TCF25: variants seen among roughly 807,000 people sequenced by gnomAD.
TCF25 encodes the protein ribosome quality control complex subunit TCF25.
In TCF25, 41 loss-of-function variants were observed where a neutral mutation model predicts 83.1. That is an observed-to-expected ratio of 0.49 (90% confidence interval 0.38 to 0.64). The LOEUF (loss-of-function observed/expected upper bound fraction) is 0.64. TCF25 is among the 30% of genes least tolerant of loss of function. TCF25 has a pLI of 0.00. For missense variants in TCF25, 979 were observed against 914.5 expected (o/e 1.07, Z -0.91); for synonymous variants, 458 against 365.0 (o/e 1.25, Z -2.90).
chr16:89,895,998 C>T lies in TCF25; in HGVS notation c.937C>T (p.Leu313=). 6.2e-7 allele frequency: 1 copy of T among 1,613,924 alleles called. No individual in the cohort carries two copies. The highest frequency in any genetic ancestry group is 8.5e-7 in the Non-Finnish European group (1 of 1,179,984). Residue 313 remains leucine, a synonymous_variant, in exon 9 of 18, where the codon CTG becomes TTG. Transcript: ENST00000263346. The part of the protein sequence containing the change: ...EMARDLVERA[L]YSMECAFHPL... ...CGTCCCTGTGCCCACAGAGAGAGCG[C>T]TGTACAGCATGGAATGTGCGTTCCA... is the stretch of plus-strand genomic sequence containing the variant.
chr16:89,899,962 T>G (rs1250822581), intron 11 of TCF25, among the ~76,000 whole-genome samples: 1 of 152,188 alleles, frequency 6.6e-6, no homozygotes, highest in African/African-American at 2.4e-5. Flanking sequence ...GCATTTGGCA[T>G]AGTTGGCCAG....
At chr16:89,886,760 C>CA (rs1452025428) in intron 4 of TCF25, among the ~76,000 whole-genome samples, 1 of 144,744 alleles carries the variant, frequency 6.9e-6, no homozygotes, top group Non-Finnish European at 1.5e-5. Context: ...AACTCCGTCT[C>CA]AAAAAAAAGA....
chr16:89,896,427 G>C (rs1273293013), intron 9 of TCF25, among the ~76,000 whole-genome samples: 2 of 152,012 alleles, frequency 1.3e-5, no homozygotes, highest in Admixed American at 6.6e-5. Flanking sequence ...AGTGAGCCTG[G>C]CTGGGCACAG....
At chr16:89,904,677 G>C (rs773046687) in intron 13 of TCF25, 17 of 601,966 alleles carry the variant, frequency 2.8e-5, no homozygotes, top group Non-Finnish European at 4.0e-5. Flanking sequence ...GCACGCAGAT[G>C]GACCCGCCCT....
intron 3 of TCF25, among the ~76,000 whole-genome samples, chr16:89,885,591 A>G (rs189272937): frequency 6.6e-6 from 1 of 152,320 alleles, no homozygotes; most frequent in Admixed American, 6.5e-5. Context: ...GGAGGTGAGC[A>G]CACCAGTGTG....
At chr16:89,888,891 C>T (rs1331955471) in intron 5 of TCF25, among the ~76,000 whole-genome samples, 6 of 139,292 alleles carry the variant, frequency 4.3e-5, no homozygotes, top group Non-Finnish European at 6.1e-5. Flanking sequence ...TTCACCATGT[C>T]GGCCAGGCTG....
At chr16:89,878,393 C>T (rs1421384218) in intron 1 of TCF25, 3 of 1,200,350 alleles carry the variant, frequency 2.5e-6, no homozygotes, top group Non-Finnish European at 3.2e-6. Context: ...CGAGACCAGC[C>T]TGGCCGACAT....
Position 89,911,302 on chromosome 16 carries a change from C to T in TCF25, c.*64C>T, listed in dbSNP as rs1049339066. 1.5e-5 allele frequency: 24 copies of T among 1,590,778 alleles called. No homozygotes were observed. The highest frequency in any genetic ancestry group is 6.7e-5 in the African/African-American group (5 of 74,748). On this transcript the variant is annotated 3_prime_UTR_variant, in exon 18 of 18. Transcript: ENST00000263346. ...TCCCGATTTCTCTGTTGGTCGGAGT[C>T]GGCCAGTTGCCTGAAGTAGGGAAGC...
At chr16:89,909,509 CAAAAAAAAAAAAAAA>C (rs11356338) in intron 16 of TCF25, 10 of 63,956 alleles carry the variant, frequency 1.6e-4, no homozygotes, top group African/African-American at 7.0e-4. Context: ...GACTCCGTCT[CAAAAAAAAAAAAAAA>C]AAAAAAAATT....
At chr16:89,889,502 T>C (rs1012210953) in intron 5 of TCF25, 2 of 192,586 alleles carry the variant, frequency 1.0e-5, no homozygotes, top group Admixed American at 5.7e-5. Context: ...TATTGGACCA[T>C]GGAGAGTATT....
intron 11 of TCF25, 141 bp downstream of exon 11, chr16:89,899,013 CTTGT>C: frequency 2.5e-6 from 2 of 799,886 alleles, no homozygotes; most frequent in Non-Finnish European, 4.1e-6. Flanking sequence ...GTCCTCCTGC[CTTGT>C]TTGTCTCCCT....
chr16:89,875,225 A>C (rs1465963930), intron 1 of TCF25, among the ~76,000 whole-genome samples: 1 of 152,134 alleles, frequency 6.6e-6, no homozygotes, highest in Non-Finnish European at 1.5e-5. Context: ...ACATTATTTT[A>C]TTTTACACTT....
At chr16:89,906,543 C>T (rs1237947257) in intron 15 of TCF25, among the ~76,000 whole-genome samples, 5 of 152,114 alleles carry the variant, frequency 3.3e-5, no homozygotes, top group Non-Finnish European at 5.9e-5. Flanking sequence ...CTGCTCCATC[C>T]GTGGTCTTGT....
rs755109638 is a variant in TCF25, at chr16:89,873,789, G to A, written c.122G>A (p.Arg41Gln). 1.2e-5 allele frequency: 19 copies of A among 1,607,152 alleles called. No individual in the cohort carries two copies. Among genetic ancestry groups the A allele is most frequent in the Non-Finnish European group, 1.5e-5 (18 of 1,177,862 alleles). The change falls in exon 1 of 18, where the codon CGG becomes CAG. Residue 41 changes from arginine (R) to glutamine (Q), a missense_variant. Coordinates refer to ENST00000263346, the MANE Select transcript of TCF25 (RefSeq NM_014972.3). The part of the protein sequence containing the change: ...DDDAEEEGPK[R>Q]ELGVRRPGGA... ...GACGCGGAAGAAGAAGGGCCCAAGC[G>A]GGAGCTTGGTGTCCGGCGTCCCGGG...
intron 15 of TCF25, among the ~76,000 whole-genome samples, chr16:89,906,981 C>T: frequency 6.6e-6 from 1 of 152,068 alleles, no homozygotes; most frequent in East Asian, 1.9e-4. Context: ...CCCTTCCTTC[C>T]CCACCACACA....
rs78902716 is a variant in TCF25, at chr16:89,891,298, C to T, written c.615-895C>T. Among the ~76,000 whole-genome samples the T allele has an allele frequency of 3.3e-5, 5 of 152,344 alleles. No individual in the cohort carries two copies. In the East Asian group the frequency reaches 9.6e-4, roughly 29 times the overall value. Reference sequence around the variant, plus strand: ...CCAGGAGAGTGCTGAAGGGCTGACTCTCCTAGGCCTGGGCGTGTGCTACAG... The same window carrying T: ...CCAGGAGAGTGCTGAAGGGCTGACTTTCCTAGGCCTGGGCGTGTGCTACAG... On this transcript the variant is annotated intron_variant, in intron 5 of 17. Transcript: ENST00000263346.
chr16:89,885,703 A>G (rs920066014), intron 3 of TCF25, 145 bp from the exon 4 acceptor site: 1 of 679,308 alleles, frequency 1.5e-6, no homozygotes, highest in South Asian at 1.8e-5. Context: ...AAATGTGTGG[A>G]TGGTACATAG....
chr16:89,888,900 T>C (rs1203364438), intron 5 of TCF25, among the ~76,000 whole-genome samples: 3 of 147,504 alleles, frequency 2.0e-5, no homozygotes, highest in Non-Finnish European at 4.5e-5. Flanking sequence ...TCGGCCAGGC[T>C]GGTCTCGAAC....
intron 12 of TCF25, among the ~76,000 whole-genome samples, chr16:89,903,832 C>G (rs1431585350): frequency 1.3e-5 from 2 of 152,074 alleles, no homozygotes; most frequent in Non-Finnish European, 2.9e-5. Flanking sequence ...AACCCAACCC[C>G]ATGTGTGTGG....
Sources: gnomAD v4.1 joint callset for allele counts (sites outside exome capture counted in the v4.1 genomes callset) on GRCh38, gnomAD v4.1.1 for gene constraint, MANE v1.5 for transcripts, NCBI Gene and HGNC (gene_info 2026-07-23, HGNC 2026-07-21) for gene names.